Variants in FHIT observed in about 807,000 individuals in gnomAD.
FHIT encodes fragile histidine triad diadenosine triphosphatase, also known as bis(5'-adenosyl)-triphosphatase.
Under a neutral mutation model 17.9 loss-of-function variants are expected in FHIT, and 19 were observed. The observed-to-expected ratio is 1.06, with a 90% CI of 0.74 to 1.56. FHIT has a LOEUF of 1.56. Ranked by LOEUF, FHIT falls within the 40% of genes most tolerant of loss-of-function variation. The pLI is 0.00. For missense variants in FHIT, 248 were observed against 189.2 expected (o/e 1.31, Z -1.82); for synonymous variants, 81 against 69.7 (o/e 1.16, Z -0.81).
intron 5 of FHIT, among the ~76,000 whole-genome samples, chr3:60,054,369 G>C (rs761367495): frequency 6.6e-6 from 1 of 152,150 alleles, no homozygotes; most frequent in Non-Finnish European, 1.5e-5. Context: ...AAGCGTTGAG[G>C]TCAGATTAGA....
chr3:60,424,561 C>T (rs1168499141), intron 5 of FHIT, among the ~76,000 whole-genome samples: 1 of 152,068 alleles, frequency 6.6e-6, no homozygotes, highest in East Asian at 1.9e-4. Flanking sequence ...CTGATGCACT[C>T]CACACACTCA....
intron 5 of FHIT, among the ~76,000 whole-genome samples, chr3:60,470,465 G>T (rs1396130835): frequency 6.6e-6 from 1 of 151,882 alleles, no homozygotes; most frequent in Non-Finnish European, 1.5e-5. Flanking sequence ...CTTTCCTCAA[G>T]CAGAGGAATC....
chr3:60,937,861 C>T (rs1708258606), intron 3 of FHIT, among the ~76,000 whole-genome samples: 1 of 152,096 alleles, frequency 6.6e-6, no homozygotes. Flanking sequence ...CACGCCCGGC[C>T]CTCTGCTACT....
intron 2 of FHIT, among the ~76,000 whole-genome samples, chr3:61,197,243 A>G (rs2038877995): frequency 6.6e-6 from 1 of 152,256 alleles, no homozygotes; most frequent in Non-Finnish European, 1.5e-5. Flanking sequence ...TGTGATCCTC[A>G]AAACAGCCCT....
chr3:60,050,826 G>A (rs947279700), intron 5 of FHIT, among the ~76,000 whole-genome samples: 3 of 152,084 alleles, frequency 2.0e-5, no homozygotes, highest in African/African-American at 4.8e-5. Context: ...CAATAAATAC[G>A]CCCCTTAGCA....
At chr3:60,108,668 T>A (rs1410772078) in intron 5 of FHIT, among the ~76,000 whole-genome samples, 1 of 69,394 alleles carries the variant, frequency 1.4e-5, no homozygotes, top group East Asian at 2.9e-4. Context: ...TACTTCTCTT[T>A]TTTTTTTTTT....
intron 5 of FHIT, among the ~76,000 whole-genome samples, chr3:60,256,777 T>A (rs886754099): frequency 1.3e-5 from 2 of 152,162 alleles, no homozygotes; most frequent in African/African-American, 4.8e-5. Flanking sequence ...TCAGGTGCAA[T>A]AGTCTCCTAA....
intron 2 of FHIT, among the ~76,000 whole-genome samples, chr3:61,099,068 C>T (rs1352193686): frequency 1.3e-5 from 2 of 152,096 alleles, no homozygotes; most frequent in African/African-American, 2.4e-5. Context: ...CCATAGGTGG[C>T]TCTTATTATT....
At chr3:60,554,996 C>T (rs780046186) in intron 4 of FHIT, among the ~76,000 whole-genome samples, 10 of 152,164 alleles carry the variant, frequency 6.6e-5, no homozygotes, top group Admixed American at 1.3e-4. Context: ...TAATATCTAA[C>T]GGTGTTATTC....
intron 5 of FHIT, among the ~76,000 whole-genome samples, chr3:60,507,398 G>A (rs898244544): frequency 9.9e-5 from 15 of 152,130 alleles, no homozygotes; most frequent in Non-Finnish European, 1.8e-4. Context: ...CAAGACCAGA[G>A]GCCTTTAAAG....
intron 1 of FHIT, among the ~76,000 whole-genome samples, chr3:61,212,787 G>C (rs2039527512): frequency 6.6e-6 from 1 of 152,238 alleles, no homozygotes; most frequent in South Asian, 2.1e-4. Flanking sequence ...AAGCCTATCA[G>C]ACTAACAGCG....
At chr3:60,696,889 A>C (rs2107898581) in intron 4 of FHIT, among the ~76,000 whole-genome samples, 1 of 152,310 alleles carries the variant, frequency 6.6e-6, no homozygotes, top group African/African-American at 2.4e-5. Context: ...AGTTCTGGAA[A>C]ATCAATGATG....
intron 5 of FHIT, among the ~76,000 whole-genome samples, chr3:60,405,740 G>A (rs1195705764): frequency 6.6e-6 from 1 of 152,176 alleles, no homozygotes; most frequent in Non-Finnish European, 1.5e-5. Flanking sequence ...ATCACAACTA[G>A]GAGGGTGCTA....
chr3:60,679,022 A>G, intron 4 of FHIT, among the ~76,000 whole-genome samples: 1 of 151,914 alleles, frequency 6.6e-6, no homozygotes, highest in East Asian at 1.9e-4. Context: ...ACATAACACC[A>G]AAGCCGTAGT....
At chr3:60,169,010 T>A (rs529178817) in intron 5 of FHIT, among the ~76,000 whole-genome samples, 17 of 152,258 alleles carry the variant, frequency 1.1e-4, no homozygotes, top group African/African-American at 1.7e-4. Context: ...TGAAATACAG[T>A]TGGAGGATTC....
At chr3:60,862,431 G>A (rs925206266) in intron 3 of FHIT, among the ~76,000 whole-genome samples, 6 of 152,074 alleles carry the variant, frequency 3.9e-5, no homozygotes, top group Admixed American at 3.3e-4. Context: ...GCCTCCCAAA[G>A]TGCTTGGGAT....
intron 4 of FHIT, among the ~76,000 whole-genome samples, chr3:60,799,084 A>G (rs1354654177): frequency 6.6e-6 from 1 of 152,182 alleles, no homozygotes; most frequent in African/African-American, 2.4e-5. Context: ...TAACAAATTA[A>G]TATGTTAAAA....
chr3:60,770,284 A>G (rs1699997714), intron 4 of FHIT, among the ~76,000 whole-genome samples: 1 of 151,852 alleles, frequency 6.6e-6, no homozygotes, highest in Non-Finnish European at 1.5e-5. Context: ...AAAAAAAAAA[A>G]GGAGTATTAT....
At chr3:60,116,405 C>T (rs1026953265) in intron 5 of FHIT, among the ~76,000 whole-genome samples, 2 of 152,128 alleles carry the variant, frequency 1.3e-5, no homozygotes, top group Non-Finnish European at 2.9e-5. Context: ...GAACTCGATC[C>T]TCAGCCTTCA....
Sources: allele counts gnomAD v4.1 joint callset (sites outside exome capture counted in the v4.1 genomes callset), GRCh38; gene constraint gnomAD v4.1.1; transcripts MANE v1.5; gene names NCBI Gene and HGNC (gene_info 2026-07-23, HGNC 2026-07-21).